Variants in TALDO1 observed in about 807,000 individuals in gnomAD.
The protein encoded by TALDO1 is transaldolase 1.
TALDO1 carries 29 observed loss-of-function variants against 38.1 expected under a neutral mutation model. That is an observed-to-expected ratio of 0.76 (90% CI 0.57 to 1.04). The LOEUF is 1.04. Ranked by LOEUF, TALDO1 falls within the 50% of genes least tolerant of loss-of-function variation. TALDO1 has a pLI of 0.00. For synonymous variants in TALDO1, 207 were observed against 176.8 expected, an observed-to-expected ratio of 1.17 and a Z score of -1.36; for missense variants, 499 against 438.1, an observed-to-expected ratio of 1.14 and a Z score of -1.24.
At position 764,004 on chromosome 11, in the gene TALDO1, C is replaced by T. The variant is rs112987780; in HGVS notation, c.835+60C>T. On this transcript the variant is annotated intron_variant, in intron 6 of 7. Coordinates refer to ENST00000319006, the MANE Select transcript of TALDO1 (RefSeq NM_006755.2). ...GGGCAAGGCCAGCACTGCCGTGCCA[C>T]GCTGCCCTGTGGGTGATCCCTCCCA... 278 of 1,572,694 alleles carry T rather than the reference C, an allele frequency of 1.8e-4. 1 individual carries two copies. In the African/African-American group the frequency reaches 2.8e-3, roughly 16 times the overall value.
intron 1 of TALDO1, among the ~76,000 whole-genome samples, chr11:753,239 CA>C (rs935367298): frequency 1.8e-4 from 26 of 144,416 alleles, no homozygotes; most frequent in East Asian, 1.0e-3. Context: ...ACTAAAAATA[CA>C]AAAAAAAAAG....
rs1358801458 is a variant in TALDO1, at chr11:747,608, G to A, written c.97+30G>A. 6 of 1,535,478 alleles carry A rather than the reference G, an allele frequency of 3.9e-6. No individual in the cohort carries two copies. The African/African-American group carries it at 7.1e-5, about 18-fold the overall frequency. The stretch of plus-strand genomic sequence containing the variant: ...GGACGGCGCGGAGCCCGGGCGCGGC[G>A]CAAGCGCCCTCCAGAGGCCCCGGCG... On this transcript the variant is annotated intron_variant, in intron 1 of 7. Transcript: ENST00000319006.
In TALDO1 at chr11:765,002, G is replaced by A; in HGVS notation, c.*157G>A. The A allele has an allele frequency of 2.1e-6, 2 of 972,002 alleles. No homozygotes were observed. The highest frequency in any genetic ancestry group is 3.2e-6 in the Non-Finnish European group (2 of 628,580). The allele number at this position is 972,002 out of a possible 1,614,324, so 60.2% of individuals were successfully genotyped here. Reference sequence around the variant, plus strand: ...AAATTTTGCCTAATACATTAAAGCAGTCACTTTTCCTGTGCTGTTTCATTC... The same window carrying A: ...AAATTTTGCCTAATACATTAAAGCAATCACTTTTCCTGTGCTGTTTCATTC... On this transcript the variant is annotated 3_prime_UTR_variant, in exon 8 of 8. Transcript: ENST00000319006.
intron 5 of TALDO1, 94 bp downstream of exon 5, chr11:763,613 C>A: frequency 2.5e-6 from 4 of 1,579,864 alleles, no homozygotes; most frequent in Non-Finnish European, 3.5e-6. Flanking sequence ...CATCAACAAG[C>A]AGTGAGGTGC....
chr11:762,905 A>T (rs1471754399), intron 4 of TALDO1, among the ~76,000 whole-genome samples: 1 of 152,206 alleles, frequency 6.6e-6, no homozygotes, highest in Non-Finnish European at 1.5e-5. Context: ...GAGATGACTC[A>T]GTGGTTCTAG....
intron 1 of TALDO1, among the ~76,000 whole-genome samples, chr11:750,686 G>A (rs182362316): frequency 1.1e-4 from 17 of 152,128 alleles, no homozygotes; most frequent in Non-Finnish European, 1.2e-4. Context: ...TTATCTGGGC[G>A]TGGTGGCGGG....
rs1313305162 is a variant in TALDO1 at position 764,877 on chromosome 11, C to T, written c.*32C>T. 3 of 1,613,696 alleles carry T rather than the reference C, an allele frequency of 1.9e-6. No individual in the cohort carries two copies. The highest frequency in any genetic ancestry group is 1.3e-5 in the African/African-American group (1 of 74,942). ...CCTGAGGCTGGACTCCAGATCTGCA[C>T]CGCCGGCCAGCTGGGATCTGACTGC... On this transcript the variant is annotated 3_prime_UTR_variant, in exon 8 of 8. Transcript: ENST00000319006.
In TALDO1 at chr11:747,497, G is replaced by C. The variant is rs758128567; in HGVS notation, c.16G>C (p.Val6Leu). ...CGGTCTTGCTATGTCGAGCTCACCC[G>C]TGAAGCGTCAGAGGATGGAGTCCGC... MSSSP[V>L]KRQRMESALD... The change falls in exon 1 of 8, where the codon GTG becomes CTG. Residue 6 changes from valine to leucine, a missense_variant. Physicochemically the swap from Val to Leu is conservative, Grantham distance 32. Transcript: ENST00000319006. 51 of 1,599,298 alleles carry C rather than the reference G, an allele frequency of 3.2e-5. No homozygotes were observed. The highest frequency in any genetic ancestry group is 4.3e-5 in the Non-Finnish European group (51 of 1,174,536).
At chr11:750,044 G>A (rs1862724339) in intron 1 of TALDO1, among the ~76,000 whole-genome samples, 1 of 152,152 alleles carries the variant, frequency 6.6e-6, no homozygotes, top group African/African-American at 2.4e-5. Context: ...TGCTGATGCT[G>A]TTATAGACTG....
chr11:754,301 T>G (rs1862797463), intron 1 of TALDO1, among the ~76,000 whole-genome samples: 1 of 152,014 alleles, frequency 6.6e-6, no homozygotes, highest in African/African-American at 2.4e-5. Context: ...TAGCATTTTA[T>G]GACTGGGTTG....
At chr11:747,837 C>T (rs548632112) in intron 1 of TALDO1, among the ~76,000 whole-genome samples, 2,743 of 152,114 alleles carry the variant, frequency 0.018, 76 homozygotes, top group African/African-American at 0.063. Context: ...CGTGAGGGAG[C>T]AGGGCCGGGG....
chr11:751,854 G>GTGCA (rs888331410), intron 1 of TALDO1, among the ~76,000 whole-genome samples: 1 of 152,048 alleles, frequency 6.6e-6, no homozygotes, highest in African/African-American at 2.4e-5. Context: ...ATTGATGTGT[G>GTGCA]TGCATGCATG....
chr11:756,101 G>C (rs775063429), intron 2 of TALDO1, 99 bp downstream of exon 2: 11 of 1,489,486 alleles, frequency 7.4e-6, no homozygotes, highest in Non-Finnish European at 9.0e-6. Flanking sequence ...CAAACACCAT[G>C]AACTCAAGGG....
Position 752,055 on chromosome 11 carries a change from A to C in TALDO1, c.98-3824A>C, listed in dbSNP as rs185696895. ...CCTGTTTTGGAGCTGTCCATAAATA[A>C]ATTATCTACTTGCTTTTCTTTTCTT... On this transcript the variant is annotated intron_variant, in intron 1 of 7. Transcript: ENST00000319006. Among the ~76,000 whole-genome samples the C allele has an allele frequency of 3.3e-5, 5 of 151,870 alleles. No homozygotes were observed. In the East Asian group the frequency reaches 9.8e-4, roughly 30 times the overall value.
At chr11:753,207 A>G (rs1159660827) in intron 1 of TALDO1, among the ~76,000 whole-genome samples, 1 of 152,148 alleles carries the variant, frequency 6.6e-6, no homozygotes, top group East Asian at 1.9e-4. Context: ...CAGCCCGGCC[A>G]ACATGGCAAA....
intron 1 of TALDO1, among the ~76,000 whole-genome samples, chr11:751,867 T>C (rs1039366300): frequency 2.6e-5 from 4 of 151,996 alleles, no homozygotes; most frequent in Non-Finnish European, 2.9e-5. Context: ...CATGCATGCA[T>C]GTGTGTGTAC....
rs761367515 is a variant in TALDO1, at chr11:764,855, G to C, written c.*10G>C. ...AGAGAATGGAAAGTAGCGCATCCCT[G>C]AGGCTGGACTCCAGATCTGCACCGC... On this transcript the variant is annotated 3_prime_UTR_variant, in exon 8 of 8. Transcript: ENST00000319006. The C allele has an allele frequency of 6.2e-7, 1 of 1,614,028 alleles. No homozygotes were observed. The highest frequency in any genetic ancestry group is 8.5e-7 in the Non-Finnish European group (1 of 1,180,030).
chr11:758,812 A>G (rs1590069883), intron 2 of TALDO1, 138 bp from the exon 3 acceptor site: 22 of 608,496 alleles, frequency 3.6e-5, no homozygotes, highest in South Asian at 1.4e-4. Context: ...TCACCGTGTT[A>G]GCCAGGATGG....
intron 1 of TALDO1, among the ~76,000 whole-genome samples, chr11:751,132 G>A (rs1239569108): frequency 3.9e-5 from 6 of 152,000 alleles, no homozygotes; most frequent in South Asian, 2.1e-4. Flanking sequence ...GGTGCAACAC[G>A]GCTAACTGCA....
Sources: gnomAD v4.1 joint callset for allele counts (sites outside exome capture counted in the v4.1 genomes callset) on GRCh38, gnomAD v4.1.1 for gene constraint, MANE v1.5 for transcripts, NCBI Gene and HGNC (gene_info 2026-07-23, HGNC 2026-07-21) for gene names.